UTP20: variants seen among roughly 807,000 people sequenced by gnomAD.
UTP20 encodes small subunit processome component 20 homolog.
A neutral mutation model predicts 329.5 loss-of-function variants in UTP20; 164 were observed. The ratio of observed to expected loss-of-function variants is 0.50; its 90% confidence interval spans 0.44 to 0.57. The LOEUF is 0.57. Ranked by LOEUF, UTP20 falls within the 20% of genes least tolerant of loss-of-function variation. UTP20 has a pLI of 0.00. For missense variants in UTP20, 3,055 were observed against 3,284.2 expected, an observed-to-expected ratio of 0.93 and a Z score of 1.71; for synonymous variants, 1,151 against 1,159.3, an observed-to-expected ratio of 0.99 and a Z score of 0.14.
intron 36 of UTP20, 145 bp downstream of exon 36, chr12:101,344,895 T>C (rs138873929): frequency 0.012 from 6,672 of 543,378 alleles, 61 homozygotes; most frequent in Non-Finnish European, 0.016. Context: ...ACCAGACTTT[T>C]AATGGGAGTG....
At chr12:101,343,191 G>A (rs1315018364) in intron 35 of UTP20, 98 bp downstream of exon 35, 4 of 752,580 alleles carry the variant, frequency 5.3e-6, no homozygotes, top group African/African-American at 1.8e-5. Flanking sequence ...TTTTTTGAGG[G>A]GGGACAAAGG....
At chr12:101,286,792 C>T (rs947825548) in intron 5 of UTP20, among the ~76,000 whole-genome samples, 1 of 152,052 alleles carries the variant, frequency 6.6e-6, no homozygotes, top group Non-Finnish European at 1.5e-5. Context: ...AAATTTTGTA[C>T]TCTCTATCCT....
chr12:101,287,663 C>T (rs1465840922), intron 5 of UTP20, among the ~76,000 whole-genome samples: 1 of 152,196 alleles, frequency 6.6e-6, no homozygotes, highest in African/African-American at 2.4e-5. Context: ...TAACGTTCTT[C>T]CTGTCTCTGA....
At chr12:101,290,620 A>G in intron 7 of UTP20, 113 bp from the exon 8 acceptor site, 1 of 1,211,248 alleles carries the variant, frequency 8.3e-7, no homozygotes, top group South Asian at 1.8e-5. Flanking sequence ...CATATCCTTG[A>G]CTATTCCAGA....
At chr12:101,311,472 T>G (rs1406637890) in intron 19 of UTP20, among the ~76,000 whole-genome samples, 1 of 152,198 alleles carries the variant, frequency 6.6e-6, no homozygotes, top group Non-Finnish European at 1.5e-5. Context: ...AAAAATGATT[T>G]TCTCTTAAGG....
chr12:101,376,881 CA>C (rs760428295), intron 56 of UTP20, among the ~76,000 whole-genome samples: 27 of 152,108 alleles, frequency 1.8e-4, no homozygotes, highest in Non-Finnish European at 2.6e-4. Context: ...CTCCTGACCT[CA>C]GGTGATCTAC....
rs1357419098 is a variant in UTP20, at chr12:101,365,591, A to C, written c.6091A>C (p.Ser2031Arg). 2.5e-6 allele frequency: 4 copies of C among 1,586,720 alleles called. No homozygotes were observed. The African/African-American group carries it at 5.5e-5, about 22-fold the overall frequency. Residue 2031 changes from serine to arginine, a missense_variant, in exon 46 of 62, where the codon AGT becomes CGT. Around this residue, in one of 3 missense-constraint regions of UTP20, gnomAD observed 2,445 missense variants for 2,575.5 expected, o/e 0.95. Transcript: ENST00000261637. ...SILLLSYGLI[S>R]ENLPLLTEKE... Reference sequence around the variant, plus strand: ...TCTATTACTCAGTTATGGTTTGATCAGTGAAAATCTTCCCCTGTTAACAGA... The same window carrying C: ...TCTATTACTCAGTTATGGTTTGATCCGTGAAAATCTTCCCCTGTTAACAGA...
intron 56 of UTP20, among the ~76,000 whole-genome samples, chr12:101,378,973 AT>A (rs1870560388): frequency 6.6e-6 from 1 of 152,154 alleles, no homozygotes; most frequent in Admixed American, 6.6e-5. Flanking sequence ...ATGCCTACTT[AT>A]GGGGTATCTA....
Position 101,333,392 on chromosome 12 carries a change from A to G in UTP20, c.3509A>G (p.Gln1170Arg), listed in dbSNP as rs1174092723. ...ATCTTTTTGGACTGGGAATCATATC[A>G]GTTTAGAACAGAAGAAATTGATGCT... ...TDIFLDWESYQFRTEEIDAVF... is the reference protein window; with the variant it reads ...TDIFLDWESYRFRTEEIDAVF... Residue 1170 changes from glutamine (Q) to arginine (R), a missense_variant, in exon 28 of 62, where the codon CAG becomes CGG. Transcript: ENST00000261637. 2 of 1,613,950 alleles carry G rather than the reference A, an allele frequency of 1.2e-6. No homozygotes were observed. The highest frequency in any genetic ancestry group is 1.7e-6 in the Non-Finnish European group (2 of 1,179,992).
rs1315899970 is a variant in UTP20 at position 101,338,274 on chromosome 12, G to A, written c.3865G>A (p.Gly1289Ser). 6 of 1,613,798 alleles carry A rather than the reference G, an allele frequency of 3.7e-6. No homozygotes were observed. The highest frequency in any genetic ancestry group is 4.5e-5 in the East Asian group (2 of 44,866). Residue 1289 changes from glycine to serine, a missense_variant, in exon 30 of 62, where the codon GGT becomes AGT. Gly to Ser is a moderately conservative substitution (Grantham distance 56, BLOSUM62 0). Around this residue, in one of 3 missense-constraint regions of UTP20, gnomAD observed 2,445 missense variants for 2,575.5 expected, o/e 0.95. Transcript: ENST00000261637. ...ATACCCTGGCATAGCAGAAAACATC[G>A]GTGGTATGTATGCTGACAAAGCAGA... ...CVYPGIAENIGESITIGGRLI... is the reference protein window; with the variant it reads ...CVYPGIAENISESITIGGRLI...
In UTP20 at chr12:101,346,434, T is replaced by A. The variant is rs1326628118; in HGVS notation, c.4747-17T>A. On this transcript the variant is annotated splice_polypyrimidine_tract_variant and intron_variant, in intron 37 of 61. Transcript: ENST00000261637. ...GAGATTATTCGGTAACTAATTCATA[T>A]TTTATCTTACCCATAGATCCACAGA... 5 of 1,569,688 alleles carry A rather than the reference T, an allele frequency of 3.2e-6. No homozygotes were observed. The highest frequency in any genetic ancestry group is 4.3e-6 in the Non-Finnish European group (5 of 1,164,196).
At chr12:101,334,566 C>A in intron 29 of UTP20, 62 bp downstream of exon 29, 1 of 1,406,748 alleles carries the variant, frequency 7.1e-7, no homozygotes, top group Non-Finnish European at 9.8e-7. Context: ...CTGGTTAAAG[C>A]AGTCCAGGAA....
chr12:101,329,161 T>G (rs1014369097), intron 26 of UTP20, 80 bp from the exon 27 acceptor site: 3 of 1,241,942 alleles, frequency 2.4e-6, no homozygotes, highest in Non-Finnish European at 3.4e-6. Context: ...TTAAGGGAAA[T>G]GGAAATAAAA....
intron 11 of UTP20, 48 bp from the exon 12 acceptor site, chr12:101,295,429 TCTC>T (rs1304763295): frequency 6.8e-7 from 1 of 1,463,936 alleles, no homozygotes; most frequent in East Asian, 2.4e-5. Context: ...GTTAGCATCT[TCTC>T]TTTATTATAT....
chr12:101,337,376 C>T (rs1868967917), intron 29 of UTP20, among the ~76,000 whole-genome samples: 1 of 152,146 alleles, frequency 6.6e-6, no homozygotes, highest in Non-Finnish European at 1.5e-5. Context: ...TTTGACCTTC[C>T]TAGTAATTGT....
rs780955894 is a variant in UTP20 at position 101,383,683 on chromosome 12, G to T, written c.8056+14G>T. On this transcript the variant is annotated intron_variant, in intron 60 of 61. Coordinates refer to ENST00000261637, the MANE Select transcript of UTP20 (RefSeq NM_014503.3). ...ATTCAGAGCAAGGTAACCCTGCCTC[G>T]TCTGTTCTCCTGCCTTTTGCACATG... The T allele has an allele frequency of 6.4e-7, 1 of 1,558,026 alleles. No homozygotes were observed. The highest frequency in any genetic ancestry group is 8.7e-7 in the Non-Finnish European group (1 of 1,147,904).
intron 38 of UTP20, among the ~76,000 whole-genome samples, chr12:101,349,962 A>T (rs912366506): frequency 6.1e-5 from 9 of 148,626 alleles, no homozygotes; most frequent in African/African-American, 2.2e-4. Flanking sequence ...TTTCTTCTGC[A>T]TTGTCTAATC....
intron 39 of UTP20, among the ~76,000 whole-genome samples, chr12:101,352,512 T>G (rs35473095): frequency 0.2 from 28,989 of 143,690 alleles, 5,764 homozygotes; most frequent in East Asian, 0.52. Flanking sequence ...GTCCTTTGTA[T>G]GGACATGGAT....
chr12:101,332,410 G>A (rs1422482179), intron 27 of UTP20, among the ~76,000 whole-genome samples: 3 of 152,138 alleles, frequency 2.0e-5, no homozygotes, highest in Non-Finnish European at 4.4e-5. Flanking sequence ...CCTTTAATAA[G>A]ATTTTCAGTT....
Sources: gnomAD v4.1 joint callset for allele counts (sites outside exome capture counted in the v4.1 genomes callset) on GRCh38, gnomAD v4.1.1 for gene constraint, gnomAD v4.1.1 regional missense constraint, MANE v1.5 for transcripts, NCBI Gene and HGNC (gene_info 2026-07-23, HGNC 2026-07-21) for gene names.